Variants in DBX2 observed in about 807,000 individuals in gnomAD.
DBX2 encodes homeobox protein DBX2.
Under a neutral mutation model 17.7 loss-of-function variants are expected in DBX2, and 16 were observed. The ratio of observed to expected loss-of-function variants is 0.90; its 90% CI spans 0.61 to 1.37. The LOEUF (loss-of-function observed/expected upper bound fraction) is 1.37. DBX2 is among the 40% of genes most tolerant of loss of function. DBX2 has a pLI of 0.00. For missense variants in DBX2, 538 were observed against 433.8 expected, an observed-to-expected ratio of 1.24 and a Z score of -2.13; for synonymous variants, 255 against 183.8, an observed-to-expected ratio of 1.39 and a Z score of -3.13.
chr12:45,032,022 C>A (rs937728987), intron 2 of DBX2, among the ~76,000 whole-genome samples: 1 of 151,636 alleles, frequency 6.6e-6, no homozygotes, highest in Non-Finnish European at 1.5e-5. Flanking sequence ...CCTTCACCCA[C>A]CCTTTACTGC....
chr12:45,023,601 A>T, intron 3 of DBX2, 106 bp downstream of exon 3: 2 of 1,315,988 alleles, frequency 1.5e-6, no homozygotes, highest in Non-Finnish European at 2.1e-6. Context: ...TGTGTGCCTT[A>T]AGAAATCAGA....
Position 45,050,507 on chromosome 12 carries a change from A to C in DBX2, c.403+18T>G. The C allele has an allele frequency of 6.5e-7, 1 of 1,540,570 alleles. No homozygotes were observed. Among genetic ancestry groups the C allele is most frequent in the Non-Finnish European group, 8.7e-7 (1 of 1,144,602 alleles). On this transcript the variant is annotated intron_variant, in intron 1 of 3. Coordinates refer to ENST00000332700, the MANE Select transcript of DBX2 (RefSeq NM_001004329.3). ...GGGGCGCGGGCGCGGCTGGGGAGGG[A>C]GGGGAGAGCTGGCTCACCTGGCGCT... is the stretch of plus-strand genomic sequence containing the variant.
In DBX2 at chr12:45,031,213, TGTGTGTGTGTGTGAGAGA is replaced by T. The variant is rs977443141; in HGVS notation, c.499+4788_499+4805del. On this transcript the variant is annotated intron_variant, in intron 2 of 3. Coordinates refer to ENST00000332700, the MANE Select transcript of DBX2 (RefSeq NM_001004329.3). ...TCAAGTGTGTGTGTGTGTGTGTGTG[TGTGTGTGTGTGTGAGAGA>T]GAGAGAGAGAGAGAGAGAGAGAGAG... 5.9e-4 allele frequency among the ~76,000 whole-genome samples: 56 copies of T among 94,208 alleles called. No individual in the cohort carries two copies. The East Asian group carries it at 0.01, about 17-fold the overall frequency. The allele number at this position is 94,208 out of a possible 152,430, so 61.8% of individuals were successfully genotyped here. A position where few individuals can be genotyped will look rare whatever the true frequency, so the allele number is the denominator to read the frequency against.
At chr12:45,028,116 A>C (rs2137022688) in intron 2 of DBX2, among the ~76,000 whole-genome samples, 1 of 152,356 alleles carries the variant, frequency 6.6e-6, no homozygotes, top group Admixed American at 6.5e-5. Context: ...GCATGAAGCC[A>C]GGTGAAGACA....
intron 2 of DBX2, among the ~76,000 whole-genome samples, chr12:45,032,680 C>T (rs1259669676): frequency 6.6e-6 from 1 of 152,140 alleles, no homozygotes; most frequent in Non-Finnish European, 1.5e-5. Flanking sequence ...AAGTTCATCT[C>T]CCAAAAGGCA....
In DBX2 at chr12:45,050,631, G is replaced by C. The variant is rs926680426; in HGVS notation, c.297C>G (p.Tyr99Ter). Residue 99 changes from tyrosine (Y) to a stop codon, truncating the protein, a stop_gained, in exon 1 of 4, where the codon TAC (tyrosine) becomes TAG (stop). Transcript: ENST00000332700. LOFTEE classifies it high-confidence loss of function. The part of the protein sequence containing the change: ...AEQVSPAGAP[Y>*]GTRWAFQVLS... ...GCACTTGAAAAGCCCACCGCGTTCCGTAGGGCGCCCCGGCGGGGCTAACTT... is the reference window on the plus strand; with the variant it reads ...GCACTTGAAAAGCCCACCGCGTTCCCTAGGGCGCCCCGGCGGGGCTAACTT... 1 of 1,550,138 alleles carries C rather than the reference G, an allele frequency of 6.5e-7. No individual in the cohort carries two copies. The highest frequency in any genetic ancestry group is 1.2e-5 in the South Asian group (1 of 84,098).
At chr12:45,021,993 C>A (rs1042128459) in intron 3 of DBX2, among the ~76,000 whole-genome samples, 10 of 152,232 alleles carry the variant, frequency 6.6e-5, no homozygotes, top group African/African-American at 2.2e-4. Context: ...CAGTGTCTTG[C>A]ACACAACAGA....
Position 45,022,854 on chromosome 12 carries a change from A to T in DBX2, c.687+853T>A, listed in dbSNP as rs1267308142. ...TACAGTGAACTCTATGCACAACTGT[A>T]CATGGTATTTTTAGGTTAAAGAGAA... On this transcript the variant is annotated intron_variant, in intron 3 of 3. Coordinates refer to ENST00000332700, the MANE Select transcript of DBX2 (RefSeq NM_001004329.3). 2.6e-5 allele frequency among the ~76,000 whole-genome samples: 4 copies of T among 152,324 alleles called. No individual in the cohort carries two copies. The East Asian group carries it at 7.7e-4, about 29-fold the overall frequency.
intron 1 of DBX2, among the ~76,000 whole-genome samples, chr12:45,042,394 C>T (rs1946476273): frequency 6.6e-6 from 1 of 152,116 alleles, no homozygotes. Context: ...TTGGAAAGTA[C>T]TTGGAAGGGC....
intron 2 of DBX2, among the ~76,000 whole-genome samples, chr12:45,028,711 C>G (rs890985751): frequency 3.3e-5 from 5 of 152,138 alleles, no homozygotes; most frequent in African/African-American, 9.7e-5. Context: ...GAGTAAGGGT[C>G]AAAGGGTTAA....
At chr12:45,043,482 C>A (rs1462408348) in intron 1 of DBX2, among the ~76,000 whole-genome samples, 1 of 152,180 alleles carries the variant, frequency 6.6e-6, no homozygotes, top group African/African-American at 2.4e-5. Context: ...AATCCAGCCA[C>A]TCTGCTATAG....
At chr12:45,024,203 C>T (rs952859276) in intron 2 of DBX2, among the ~76,000 whole-genome samples, 1 of 152,138 alleles carries the variant, frequency 6.6e-6, no homozygotes, top group African/African-American at 2.4e-5. Context: ...GGCTTTTCCC[C>T]ACTTTGCTCT....
At chr12:45,027,053 TC>T (rs1424555373) in intron 2 of DBX2, among the ~76,000 whole-genome samples, 1 of 152,256 alleles carries the variant, frequency 6.6e-6, no homozygotes, top group Non-Finnish European at 1.5e-5. Context: ...AATATGTGCA[TC>T]TTTTTACTAA....
intron 1 of DBX2, among the ~76,000 whole-genome samples, chr12:45,041,555 G>T (rs977557571): frequency 6.6e-6 from 1 of 152,154 alleles, no homozygotes; most frequent in Non-Finnish European, 1.5e-5. Flanking sequence ...AGCAAGTTAG[G>T]TAAATTCATC....
chr12:45,022,129 G>A (rs1946355718), intron 3 of DBX2, among the ~76,000 whole-genome samples: 1 of 151,918 alleles, frequency 6.6e-6, no homozygotes, highest in Non-Finnish European at 1.5e-5. Flanking sequence ...AACCAATTGA[G>A]GTTATGGACT....
At chr12:45,033,704 G>A (rs1946421259) in intron 2 of DBX2, among the ~76,000 whole-genome samples, 1 of 152,120 alleles carries the variant, frequency 6.6e-6, no homozygotes, top group Admixed American at 6.5e-5. Flanking sequence ...AAAATCACCT[G>A]TGGGATCTCT....
At chr12:45,032,796 G>T (rs972471905) in intron 2 of DBX2, among the ~76,000 whole-genome samples, 1 of 151,996 alleles carries the variant, frequency 6.6e-6, no homozygotes, top group Non-Finnish European at 1.5e-5. Context: ...ATTCAAGTTG[G>T]ATACTCAAAG....
chr12:45,023,843 C>T lies in DBX2; in HGVS notation c.551G>A (p.Arg184Gln), dbSNP rs777950145. 4.4e-6 allele frequency: 7 copies of T among 1,603,832 alleles called. No individual in the cohort carries two copies. Among genetic ancestry groups the T allele is most frequent in the Admixed American group, 1.7e-5 (1 of 58,516 alleles). The change falls in exon 3 of 4, where the codon CGG (arginine) becomes CAG (glutamine). Residue 184 changes from arginine (R) to glutamine (Q), a missense_variant. By Grantham distance (43) the Arg-to-Gln change is conservative. Coordinates refer to ENST00000332700, the MANE Select transcript of DBX2 (RefSeq NM_001004329.3). ...LLTQDSNSKARRGILRRAVFS... is the reference protein window; with the variant it reads ...LLTQDSNSKAQRGILRRAVFS... The stretch of plus-strand genomic sequence containing the variant: ...GACAGCTCTTCTTAAAATGCCCCTC[C>T]GAGCTTTGGAATTAGAGTCCTGTGT...
Position 45,050,919 on chromosome 12 carries a change from G to T in DBX2, c.9C>A (p.Pro3=). The T allele has an allele frequency of 6.7e-7, 1 of 1,492,270 alleles. No homozygotes were observed. Among genetic ancestry groups the T allele is most frequent in the Non-Finnish European group, 8.9e-7 (1 of 1,121,204 alleles). The allele number at this position is 1,492,270 out of a possible 1,614,324, so 92.4% of individuals were successfully genotyped here. Residue 3 remains proline, a synonymous_variant, in exon 1 of 4, where the codon CCC becomes CCA. Coordinates refer to ENST00000332700, the MANE Select transcript of DBX2 (RefSeq NM_001004329.3). ML[P]SAVAAHAGAY... is the part of the protein sequence containing the mutation. ...CACCGGCGTGGGCTGCGACCGCGCT[G>T]GGGAGCATAGTGCGGCGCCAACCGG... is the stretch of plus-strand genomic sequence containing the variant.
Sources: allele counts gnomAD v4.1 joint callset (sites outside exome capture counted in the v4.1 genomes callset), GRCh38; gene constraint gnomAD v4.1.1; transcripts MANE v1.5; gene names NCBI Gene and HGNC (gene_info 2026-07-23, HGNC 2026-07-21).